The following ADGRG2 variants were observed in gnomAD, a reference collection of about 807,000 sequenced individuals.
ADGRG2 encodes the protein G protein-coupled receptor 64.
Under a neutral mutation model 74.1 loss-of-function variants are expected in ADGRG2, and 26 were observed. That is an observed-to-expected ratio of 0.35 (90% CI 0.26 to 0.49). The LOEUF (loss-of-function observed/expected upper bound fraction) is 0.49. Ranked by LOEUF, ADGRG2 falls within the 20% of genes least tolerant of loss-of-function variation. The pLI is 0.99. For missense variants in ADGRG2, 619 were observed against 763.1 expected (o/e 0.81, Z 2.22); for synonymous variants, 296 against 295.2 (o/e 1.00, Z -0.03).
chrX:19,040,123 T>C (rs905614579), intron 4 of ADGRG2, 66 bp downstream of exon 4: 1 of 753,616 alleles, frequency 1.3e-6, no homozygotes, highest in African/African-American at 2.1e-5. Context: ...ACATGCCATG[T>C]TTCATAGAGA....
intron 10 of ADGRG2, 72 bp downstream of exon 10, chrX:19,028,111 C>T: frequency 1.7e-6 from 1 of 589,314 alleles, no homozygotes; most frequent in Non-Finnish European, 2.8e-6. Context: ...ATAATCTGAA[C>T]CTCAAACAAA....
intron 5 of ADGRG2, 39 bp from the exon 6 acceptor site, chrX:19,037,529 T>A (rs1275173304): frequency 5.2e-6 from 6 of 1,155,776 alleles, no homozygotes; most frequent in Non-Finnish European, 7.0e-6. Flanking sequence ...AAAGATATAA[T>A]TAAAACAAAA....
chrX:19,114,029 A>C (rs2062463838), intron 1 of ADGRG2, among the ~76,000 whole-genome samples: 1 of 101,251 alleles, frequency 9.9e-6, no homozygotes, highest in African/African-American at 3.7e-5. Context: ...CCGAGATTGC[A>C]CCACTGCACT....
rs17321137 is a variant in ADGRG2 at position 18,990,721 on chromosome X, T to C, written c.*143A>G. ...TCTTGGTTTCTTCTTGTAATAATAA[T>C]CATCGCCCTTAATTAGCTTATGCTT... On this transcript the variant is annotated 3_prime_UTR_variant, in exon 29 of 29. Coordinates refer to ENST00000379869, the MANE Select transcript of ADGRG2 (RefSeq NM_001079858.3). 2,563 of 399,999 alleles carry C rather than the reference T, an allele frequency of 6.4e-3. 59 individuals carry two copies. In the Admixed American group the frequency reaches 0.069, roughly 11 times the overall value. The allele number at this position is 399,999 out of a possible 1,213,427, so 33.0% of individuals were successfully genotyped here. A position where few individuals can be genotyped will look rare whatever the true frequency, so the allele number is the denominator to read the frequency against.
chrX:19,008,353 G>A (rs927786765), intron 18 of ADGRG2, among the ~76,000 whole-genome samples: 5 of 111,556 alleles, frequency 4.5e-5, no homozygotes. Context: ...CTATTCCTCT[G>A]GTTGCTACTA....
At chrX:19,053,579 C>A (rs1472629401) in intron 3 of ADGRG2, among the ~76,000 whole-genome samples, 1 of 111,827 alleles carries the variant, frequency 8.9e-6, no homozygotes, top group African/African-American at 3.3e-5. Flanking sequence ...CTTACTTAAC[C>A]CATCTGCACT....
rs749338617 is a variant in ADGRG2, at chrX:19,082,773, A to C, written c.-46-27T>G. ...TGAAAATGAAAAATAAAAAATAAAA[A>C]GCAAAATTAGACCAATGGAAAGTGG... On this transcript the variant is annotated intron_variant, in intron 1 of 28. Coordinates refer to ENST00000379869, the MANE Select transcript of ADGRG2 (RefSeq NM_001079858.3). 6.2e-5 allele frequency: 7 copies of C among 112,555 alleles called. No individual in the cohort carries two copies. The East Asian group carries it at 2.0e-3, about 31-fold the overall frequency. 9.3% of individuals were successfully genotyped at this position (112,555 alleles called of 1,213,427 possible).
At chrX:19,112,650 T>TA (rs762788075) in intron 1 of ADGRG2, among the ~76,000 whole-genome samples, 13,188 of 86,166 alleles carry the variant, frequency 0.15, 2,853 homozygotes, top group African/African-American at 0.52. Context: ...AATGTTCTAT[T>TA]AAAAAAAAAA....
At chrX:18,998,839 C>T (rs148502346) in intron 26 of ADGRG2, among the ~76,000 whole-genome samples, 157 bp downstream of exon 26, 1 of 111,469 alleles carries the variant, frequency 9.0e-6, no homozygotes, top group African/African-American at 3.3e-5. Context: ...TGGGAAACAA[C>T]AATTTGTGTG....
Position 18,999,893 on chromosome X carries a change from A to G in ADGRG2, c.2298T>C (p.Tyr766=). ...CCGGTGAACCATTGGGGAATTTCCC[A>G]TAGGATCCAAGCCCATAGTTATCTG... The part of the protein sequence containing the change: ...ISPDNYGLGS[Y]GKFPNGSPDD... The change falls in exon 25 of 29, where the codon TAT becomes TAC. Residue 766 remains tyrosine (Y), a synonymous_variant. Coordinates refer to ENST00000379869, the MANE Select transcript of ADGRG2 (RefSeq NM_001079858.3). 8.4e-7 allele frequency: 1 copy of G among 1,195,241 alleles called. No homozygotes were observed. The highest frequency in any genetic ancestry group is 1.1e-6 in the Non-Finnish European group (1 of 880,666).
intron 23 of ADGRG2, among the ~76,000 whole-genome samples, chrX:19,003,686 C>A (rs2060176009): frequency 9.0e-6 from 1 of 111,666 alleles, no homozygotes; most frequent in Non-Finnish European, 1.9e-5. Context: ...TACATGCTGA[C>A]TGTTGACGCA....
intron 1 of ADGRG2, among the ~76,000 whole-genome samples, chrX:19,110,602 C>T (rs1313524450): frequency 9.2e-6 from 1 of 108,820 alleles, no homozygotes; most frequent in African/African-American, 3.4e-5. Flanking sequence ...ACAAGAATCA[C>T]TTGAACCCGG....
rs1004646561 is a variant in ADGRG2, at chrX:18,995,045, C to T, written c.2720G>A (p.Trp907Ter). Reference protein sequence around the residue: ...GKLRLAENSDWSKTATNGLKK... With the variant: ...GKLRLAENSD ...TAAACCATTAGTAGCAGTTTTACTC[C>T]AGTCTACAGCAGAATAAGCATTACA... is the stretch of plus-strand genomic sequence containing the variant. Residue 907 changes from tryptophan (W) to a stop codon, truncating the protein, a stop_gained, in exon 28 of 29, where the codon TGG becomes TAG. Coordinates refer to ENST00000379869, the MANE Select transcript of ADGRG2 (RefSeq NM_001079858.3). LOFTEE classifies it high-confidence loss of function. 8.4e-7 allele frequency: 1 copy of T among 1,184,038 alleles called. No homozygotes were observed. The highest frequency in any genetic ancestry group is 1.1e-6 in the Non-Finnish European group (1 of 877,685).
chrX:19,107,971 G>A (rs1185713460), intron 1 of ADGRG2, among the ~76,000 whole-genome samples: 6 of 106,668 alleles, frequency 5.6e-5, no homozygotes, highest in African/African-American at 2.1e-4. Context: ...GTGGTGGCAC[G>A]CACCTGTAGT....
intron 1 of ADGRG2, among the ~76,000 whole-genome samples, chrX:19,116,926 C>T (rs995736269): frequency 1.3e-4 from 15 of 112,143 alleles, no homozygotes; most frequent in African/African-American, 3.2e-5. Flanking sequence ...CAATACATTG[C>T]ACACAGGAGA....
intron 3 of ADGRG2, among the ~76,000 whole-genome samples, chrX:19,058,701 G>A (rs2061440546): frequency 8.9e-6 from 1 of 112,135 alleles, no homozygotes; most frequent in Non-Finnish European, 1.9e-5. Flanking sequence ...CACTGGACAC[G>A]GATGTTAAAG....
chrX:18,994,793 A>G (rs2059986679), intron 28 of ADGRG2, 103 bp downstream of exon 28: 1 of 561,001 alleles, frequency 1.8e-6, no homozygotes, highest in Non-Finnish European at 2.9e-6. Context: ...TCATATATGT[A>G]TTAATAGTTA....
chrX:19,108,227 G>A (rs1024206250), intron 1 of ADGRG2, among the ~76,000 whole-genome samples: 4 of 110,528 alleles, frequency 3.6e-5, no homozygotes, highest in Non-Finnish European at 5.7e-5. Context: ...AGCAGTTTAG[G>A]AAGCTGAGGC....
At chrX:19,091,845 C>A (rs1314202044) in intron 1 of ADGRG2, among the ~76,000 whole-genome samples, 1 of 112,395 alleles carries the variant, frequency 8.9e-6, no homozygotes, top group Non-Finnish European at 1.9e-5. Context: ...TGCTCTCTAC[C>A]AACGAGGAAG....
Sources: gnomAD v4.1 joint callset for allele counts (sites outside exome capture counted in the v4.1 genomes callset) on GRCh38, gnomAD v4.1.1 for gene constraint, MANE v1.5 for transcripts, NCBI Gene and HGNC (gene_info 2026-07-23, HGNC 2026-07-21) for gene names.